The following IL1RAPL1 variants were observed in gnomAD, a reference collection of about 807,000 sequenced individuals.
The protein encoded by IL1RAPL1 is interleukin 1 receptor accessory protein like 1, also known as interleukin-1 receptor accessory protein-like 1.
Under a neutral mutation model 48.4 loss-of-function variants are expected in IL1RAPL1, and 3 were observed. That is an observed-to-expected ratio of 0.06 (90% CI 0.03 to 0.16). The LOEUF is 0.16. IL1RAPL1 is among the 10% of genes least tolerant of loss of function. The pLI is 1.00. For synonymous variants in IL1RAPL1, 185 were observed against 187.7 expected (o/e 0.99, Z 0.12); for missense variants, 349 against 530.6 (o/e 0.66, Z 3.36).
intron 5 of IL1RAPL1, among the ~76,000 whole-genome samples, chrX:29,602,459 C>T (rs1465312421): frequency 8.9e-6 from 1 of 112,014 alleles, no homozygotes. Context: ...TAAAAACCCA[C>T]AAATACTCTC....
intron 6 of IL1RAPL1, among the ~76,000 whole-genome samples, chrX:29,880,078 G>A (rs1009411236): frequency 1.8e-5 from 2 of 111,110 alleles, no homozygotes; most frequent in African/African-American, 6.5e-5. Flanking sequence ...TTACTGCAGT[G>A]AAGTTTTCAA....
chrX:28,752,129 T>C (rs1936051384), intron 1 of IL1RAPL1, among the ~76,000 whole-genome samples: 1 of 112,337 alleles, frequency 8.9e-6, no homozygotes, highest in Admixed American at 9.5e-5. Flanking sequence ...TTTTAAAAAA[T>C]GGGCTTTAGA....
intron 6 of IL1RAPL1, among the ~76,000 whole-genome samples, chrX:29,821,996 C>T (rs754724267): frequency 2.7e-5 from 3 of 111,812 alleles, no homozygotes; most frequent in African/African-American, 9.7e-5. Context: ...CAAAATGAAG[C>T]GAAGTTATCT....
At chrX:29,521,864 T>C (rs913113007) in intron 5 of IL1RAPL1, among the ~76,000 whole-genome samples, 2 of 112,111 alleles carry the variant, frequency 1.8e-5, no homozygotes, top group Non-Finnish European at 3.8e-5. Flanking sequence ...TTTTTTCCTC[T>C]TCTCAATGCA....
intron 6 of IL1RAPL1, among the ~76,000 whole-genome samples, chrX:29,913,474 A>G (rs921720274): frequency 9.1e-5 from 10 of 110,426 alleles, no homozygotes; most frequent in Non-Finnish European, 1.9e-4. Flanking sequence ...AGAAAAATAT[A>G]TATATTTTCT....
chrX:29,652,259 C>G (rs1385623174), intron 5 of IL1RAPL1, among the ~76,000 whole-genome samples: 1 of 111,818 alleles, frequency 8.9e-6, no homozygotes, highest in Admixed American at 9.5e-5. Flanking sequence ...CGTTTACAAT[C>G]TCAATGGAAA....
At chrX:28,619,791 T>C in intron 1 of IL1RAPL1, among the ~76,000 whole-genome samples, 1 of 110,871 alleles carries the variant, frequency 9.0e-6, no homozygotes, top group Non-Finnish European at 1.9e-5. Flanking sequence ...AAGTTTAACA[T>C]TTTGAAGTTT....
intron 3 of IL1RAPL1, among the ~76,000 whole-genome samples, chrX:29,368,135 A>G (rs1933491951): frequency 9.0e-6 from 1 of 111,462 alleles, no homozygotes; most frequent in African/African-American, 3.2e-5. Flanking sequence ...GTTATACTTC[A>G]TGAAACAATA....
intron 2 of IL1RAPL1, among the ~76,000 whole-genome samples, chrX:28,798,314 G>A (rs146337212): frequency 1.1e-3 from 118 of 111,871 alleles, no homozygotes; most frequent in African/African-American, 3.7e-3. Flanking sequence ...GGACACTGGT[G>A]TATCAGTATC....
chrX:28,764,143 A>G (rs1213863944), intron 1 of IL1RAPL1, among the ~76,000 whole-genome samples: 2 of 111,529 alleles, frequency 1.8e-5, no homozygotes, highest in Non-Finnish European at 3.8e-5. Flanking sequence ...AAAGCACTTT[A>G]GAGTTAATGG....
chrX:28,886,306 T>A (rs12851677), intron 2 of IL1RAPL1, among the ~76,000 whole-genome samples: 1 of 109,647 alleles, frequency 9.1e-6, no homozygotes, highest in Non-Finnish European at 1.9e-5. Flanking sequence ...CTCTGTAAAG[T>A]AACATTCCTT....
chrX:29,038,864 A>T (rs755402759), intron 2 of IL1RAPL1, among the ~76,000 whole-genome samples: 1 of 111,497 alleles, frequency 9.0e-6, no homozygotes, highest in Admixed American at 9.6e-5. Flanking sequence ...TTAAAAAAAA[A>T]CTCTACCCAT....
chrX:29,351,152 C>T (rs1933225647), intron 3 of IL1RAPL1, among the ~76,000 whole-genome samples: 3 of 111,975 alleles, frequency 2.7e-5, no homozygotes, highest in African/African-American at 9.7e-5. Flanking sequence ...TCCAGTTTGA[C>T]ATTAAGTTGT....
At chrX:28,989,488 C>G (rs930216074) in intron 2 of IL1RAPL1, among the ~76,000 whole-genome samples, 10 of 112,356 alleles carry the variant, frequency 8.9e-5, no homozygotes, top group African/African-American at 3.2e-4. Context: ...GCAGCCAGAT[C>G]AAGTGTTAAT....
intron 5 of IL1RAPL1, among the ~76,000 whole-genome samples, chrX:29,428,180 T>C (rs1226882318): frequency 8.9e-6 from 1 of 111,840 alleles, no homozygotes; most frequent in Non-Finnish European, 1.9e-5. Flanking sequence ...GCAAGGTTGG[T>C]GTGTGTCTGG....
intron 6 of IL1RAPL1, among the ~76,000 whole-genome samples, chrX:29,819,507 G>C (rs1171147753): frequency 1.8e-5 from 2 of 110,987 alleles, no homozygotes; most frequent in Non-Finnish European, 3.8e-5. Flanking sequence ...TTCTGCTATA[G>C]TTTATTAACA....
At chrX:28,768,707 CTCTCTCTCTCTCTCTCTCTCTG>C (rs1936271357) in intron 1 of IL1RAPL1, among the ~76,000 whole-genome samples, 2 of 68,144 alleles carry the variant, frequency 2.9e-5, no homozygotes, top group Admixed American at 1.8e-4. Flanking sequence ...CTCTGTTTCT[CTCTCTCTCTCTCTCTCTCTCTG>C]TCTCTCTCTC....
intron 2 of IL1RAPL1, among the ~76,000 whole-genome samples, chrX:29,053,063 G>T (rs1927132579): frequency 9.0e-6 from 1 of 110,907 alleles, no homozygotes; most frequent in Non-Finnish European, 1.9e-5. Context: ...AGTGTGTGTT[G>T]TTCCCCTTTA....
At chrX:29,629,356 GT>G (rs925226892) in intron 5 of IL1RAPL1, among the ~76,000 whole-genome samples, 127 of 105,432 alleles carry the variant, frequency 1.2e-3, no homozygotes, top group African/African-American at 3.5e-3. Flanking sequence ...ATCTTTGGTA[GT>G]TTTTTTTTTT....
Sources: allele counts gnomAD v4.1 joint callset (sites outside exome capture counted in the v4.1 genomes callset), GRCh38; gene constraint gnomAD v4.1.1; transcripts MANE v1.5; gene names NCBI Gene and HGNC (gene_info 2026-07-23, HGNC 2026-07-21).